Variants in PRKAR2A observed in about 807,000 individuals in gnomAD.
PRKAR2A encodes cAMP-dependent protein kinase type II-alpha regulatory subunit.
In PRKAR2A, 29 loss-of-function variants were observed where a neutral mutation model predicts 51.9. The ratio of observed to expected loss-of-function variants is 0.56; its 90% CI spans 0.42 to 0.76. The LOEUF (loss-of-function observed/expected upper bound fraction) is 0.76. Among genes scored for constraint, PRKAR2A ranks in the 30% least tolerant of loss-of-function variants. PRKAR2A has a pLI of 0.00. For missense variants in PRKAR2A, 445 were observed against 512.1 expected (o/e 0.87, Z 1.26); for synonymous variants, 178 against 186.2 (o/e 0.96, Z 0.36).
At chr3:48,798,504 C>T (rs2082533747) in intron 2 of PRKAR2A, among the ~76,000 whole-genome samples, 2 of 151,896 alleles carry the variant, frequency 1.3e-5, no homozygotes, top group South Asian at 4.1e-4. Context: ...TCATATTTGA[C>T]CTTAATTCAG....
chr3:48,799,192 A>G (rs143103598), intron 2 of PRKAR2A, among the ~76,000 whole-genome samples: 181 of 152,310 alleles, frequency 1.2e-3, no homozygotes, highest in African/African-American at 3.8e-3. Context: ...GTGATCCCCT[A>G]CGCAACCTCA....
intron 5 of PRKAR2A, among the ~76,000 whole-genome samples, chr3:48,780,951 T>A (rs890354705): frequency 6.6e-6 from 1 of 152,102 alleles, no homozygotes; most frequent in Non-Finnish European, 1.5e-5. Flanking sequence ...GGGCATTATA[T>A]GTGCAACTTA....
In PRKAR2A at chr3:48,847,677, C is replaced by T; in HGVS notation, c.-81G>A. The T allele has an allele frequency of 7.5e-7, 1 of 1,339,510 alleles. No individual in the cohort carries two copies. Among genetic ancestry groups the T allele is most frequent in the East Asian group, 3.1e-5 (1 of 32,726 alleles). The allele number at this position is 1,339,510 out of a possible 1,614,324, so 83.0% of individuals were successfully genotyped here. ...CGCTCACTCACGCCGGCCTTTCGCT[C>T]CGCGCCCGCGAGGTCTCTTCGCGCA... On this transcript the variant is annotated 5_prime_UTR_variant, in exon 1 of 11. Coordinates refer to ENST00000265563, the MANE Select transcript of PRKAR2A (RefSeq NM_004157.4). This position sits in a 1 kb window ranked among gnomAD's most constrained non-coding sequence, Gnocchi z 4.4.
chr3:48,769,049 G>A (rs928463955), intron 6 of PRKAR2A, among the ~76,000 whole-genome samples: 16 of 151,722 alleles, frequency 1.1e-4, no homozygotes, highest in African/African-American at 3.9e-4. Flanking sequence ...GCAGTGAGCC[G>A]AGATAATGCC....
intron 2 of PRKAR2A, among the ~76,000 whole-genome samples, chr3:48,807,149 T>C (rs1315569952): frequency 6.6e-6 from 1 of 152,134 alleles, no homozygotes; most frequent in Non-Finnish European, 1.5e-5. Flanking sequence ...AATTCCATAT[T>C]ATTAAGATAA....
At chr3:48,803,368 C>T (rs993751918) in intron 2 of PRKAR2A, among the ~76,000 whole-genome samples, 1 of 152,066 alleles carries the variant, frequency 6.6e-6, no homozygotes, top group African/African-American at 2.4e-5. Context: ...TATGATTGTA[C>T]CAATGCACTC....
intron 1 of PRKAR2A, among the ~76,000 whole-genome samples, chr3:48,819,417 T>G (rs2082925939): frequency 6.6e-6 from 1 of 152,132 alleles, no homozygotes. Context: ...ACAACAACCC[T>G]ATTACCATCC....
At chr3:48,810,272 A>G (rs1052044265) in intron 1 of PRKAR2A, among the ~76,000 whole-genome samples, 9 of 152,188 alleles carry the variant, frequency 5.9e-5, no homozygotes, top group Non-Finnish European at 1.5e-5. Context: ...GAATATATAC[A>G]TATATTTGTG....
At chr3:48,811,110 G>A (rs1225473535) in intron 1 of PRKAR2A, among the ~76,000 whole-genome samples, 1 of 151,928 alleles carries the variant, frequency 6.6e-6, no homozygotes, top group African/African-American at 2.4e-5. Flanking sequence ...CCAGGAGGTC[G>A]AGGCTGTGAT....
intron 1 of PRKAR2A, among the ~76,000 whole-genome samples, chr3:48,823,147 T>C (rs1462344782): frequency 6.6e-6 from 1 of 151,588 alleles, no homozygotes; most frequent in Non-Finnish European, 1.5e-5. Flanking sequence ...CTCAAAGCAA[T>C]CGCCCGCCTC....
chr3:48,810,689 C>G (rs544740184), intron 1 of PRKAR2A, among the ~76,000 whole-genome samples: 2 of 152,036 alleles, frequency 1.3e-5, no homozygotes, highest in East Asian at 1.9e-4. Flanking sequence ...AAAGGGCTGA[C>G]AGTAAATACA....
chr3:48,846,213 C>T (rs1269075283), intron 1 of PRKAR2A, among the ~76,000 whole-genome samples: 4 of 106,882 alleles, frequency 3.7e-5, no homozygotes, highest in Admixed American at 2.5e-4. Context: ...TGGGTTTTTC[C>T]TTTTTCTTTT....
chr3:48,764,461 CA>C (rs751717844), intron 8 of PRKAR2A, among the ~76,000 whole-genome samples: 7 of 152,056 alleles, frequency 4.6e-5, no homozygotes, highest in Non-Finnish European at 8.8e-5. Context: ...AAAATGACAT[CA>C]AAAGAACAAA....
At chr3:48,765,165 T>C (rs968424029) in intron 7 of PRKAR2A, 83 bp downstream of exon 7, 37 of 1,544,818 alleles carry the variant, frequency 2.4e-5, no homozygotes, top group South Asian at 4.5e-5. Flanking sequence ...ATTAGAATAG[T>C]ATGATTTGAA....
Position 48,790,771 on chromosome 3 carries a change from G to C in PRKAR2A, c.352-144C>G, listed in dbSNP as rs539701758. 5 of 521,542 alleles carry C rather than the reference G, an allele frequency of 9.6e-6. No homozygotes were observed. In the South Asian group the frequency reaches 2.6e-4, roughly 28 times the overall value. 32.3% of individuals were successfully genotyped at this position (521,542 alleles called of 1,614,324 possible). A position where few individuals can be genotyped will look rare whatever the true frequency, so the allele number is the denominator to read the frequency against. On this transcript the variant is annotated intron_variant, in intron 3 of 10. Coordinates refer to ENST00000265563, the MANE Select transcript of PRKAR2A (RefSeq NM_004157.4). ...TTTAATTTTACATAAATATCAAGCT[G>C]CATGCTAAAGGTGGAGAGGCAATGT...
rs1048880089 is a variant in PRKAR2A at position 48,747,893 on chromosome 3, T to C, written c.*3692A>G. 3 of 152,254 alleles carry C rather than the reference T, an allele frequency of 2.0e-5. No individual in the cohort carries two copies. Among genetic ancestry groups the C allele is most frequent in the Non-Finnish European group, 4.4e-5 (3 of 68,060 alleles). The allele number at this position is 152,254 out of a possible 1,614,324, so 9.4% of individuals were successfully genotyped here. A position where few individuals can be genotyped will look rare whatever the true frequency, so the allele number is the denominator to read the frequency against. On this transcript the variant is annotated 3_prime_UTR_variant, in exon 11 of 11. Coordinates refer to ENST00000265563, the MANE Select transcript of PRKAR2A (RefSeq NM_004157.4). The stretch of plus-strand genomic sequence containing the variant: ...GCTTGCCTGATGTGGACAATGTGGA[T>C]ACCTCAGCCCTGAGTTGAACTTGGC...
intron 9 of PRKAR2A, among the ~76,000 whole-genome samples, chr3:48,755,163 A>ATT (rs1241380446): frequency 6.6e-6 from 1 of 151,224 alleles, no homozygotes; most frequent in African/African-American, 2.4e-5. Context: ...TGCCTGGCTA[A>ATT]TTTTTTGTAT....
intron 1 of PRKAR2A, among the ~76,000 whole-genome samples, chr3:48,829,338 G>A (rs2083127776): frequency 6.6e-6 from 1 of 151,268 alleles, no homozygotes; most frequent in East Asian, 2.0e-4. Context: ...GGCCAACATG[G>A]GGAAACCCTG....
chr3:48,792,209 C>T (rs984936205), intron 3 of PRKAR2A, among the ~76,000 whole-genome samples: 2 of 147,788 alleles, frequency 1.4e-5, no homozygotes, highest in Non-Finnish European at 3.0e-5. Flanking sequence ...TGGCGCAATT[C>T]TGGCTCACTG....
Sources: allele counts gnomAD v4.1 joint callset (sites outside exome capture counted in the v4.1 genomes callset), GRCh38; gene constraint gnomAD v4.1.1; non-coding constraint Gnocchi (gnomAD v3.1); transcripts MANE v1.5; gene names NCBI Gene and HGNC (gene_info 2026-07-23, HGNC 2026-07-21).